Variants in DGKB observed in about 807,000 individuals in gnomAD.
DGKB encodes diacylglycerol kinase beta.
DGKB carries 67 observed loss-of-function variants against 114.3 expected under a neutral mutation model. The observed-to-expected ratio is 0.59, with a 90% confidence interval of 0.48 to 0.72. DGKB has a LOEUF of 0.72. Ranked by LOEUF, DGKB falls within the 30% of genes least tolerant of loss-of-function variation. The pLI is 0.00. For synonymous variants in DGKB, 398 were observed against 323.1 expected (o/e 1.23, Z -2.49); for missense variants, 907 against 975.2 (o/e 0.93, Z 0.93).
intron 13 of DGKB, among the ~76,000 whole-genome samples, chr7:14,669,329 C>T (rs546319775): frequency 2.1e-4 from 32 of 152,118 alleles, no homozygotes; most frequent in Admixed American, 2.6e-4. Flanking sequence ...ATATAAAAAT[C>T]GTATGATATC....
At chr7:14,732,592 C>A (rs1330861811) in intron 5 of DGKB, among the ~76,000 whole-genome samples, 2 of 151,608 alleles carry the variant, frequency 1.3e-5, no homozygotes, top group Non-Finnish European at 2.9e-5. Context: ...TAGTCCTGGA[C>A]AAGACACTAT....
At chr7:14,530,247 T>C (rs1179849381) in intron 20 of DGKB, among the ~76,000 whole-genome samples, 6 of 151,596 alleles carry the variant, frequency 4.0e-5, no homozygotes, top group African/African-American at 9.7e-5. Flanking sequence ...TTATATACAC[T>C]GTTTTACGAA....
chr7:14,590,850 A>C (rs775074840), intron 17 of DGKB, among the ~76,000 whole-genome samples: 1 of 152,152 alleles, frequency 6.6e-6, no homozygotes, highest in Non-Finnish European at 1.5e-5. Context: ...TTCTTTATTA[A>C]AAGTAGTATA....
At chr7:14,628,327 T>TGTGTGTGTGTGTGTGTGTGTGTGTGTGTG (rs1809026782) in intron 14 of DGKB, among the ~76,000 whole-genome samples, 1 of 106,394 alleles carries the variant, frequency 9.4e-6, no homozygotes, top group Admixed American at 8.6e-5. Context: ...GTGTGTGTGG[T>TGTGTGTGTGTGTGTGTGTGTGTGTGTGTG]GTGTATGAGG....
chr7:14,284,506 A>T (rs956407088), intron 23 of DGKB, among the ~76,000 whole-genome samples: 19 of 145,006 alleles, frequency 1.3e-4, no homozygotes, highest in Non-Finnish European at 1.0e-4. Context: ...CCATCCTATT[A>T]CTGGGTATAT....
intron 12 of DGKB, among the ~76,000 whole-genome samples, chr7:14,681,466 A>G (rs1292437506): frequency 6.6e-6 from 1 of 150,458 alleles, no homozygotes; most frequent in African/African-American, 2.5e-5. Context: ...TGAGAGAGAG[A>G]GAAAAAGAGA....
intron 20 of DGKB, among the ~76,000 whole-genome samples, chr7:14,511,819 A>G (rs762301024): frequency 6.6e-6 from 1 of 152,034 alleles, no homozygotes; most frequent in African/African-American, 2.4e-5. Flanking sequence ...TAATTTCAAT[A>G]TTGTGTCTCA....
rs1245053738 is a variant in DGKB, at chr7:14,672,932, T to C, written c.1131A>G (p.Val377=). ...ILPPTTICPV[V]LTLPTSGVSV... is the part of the protein sequence containing the mutation. ...AGAATGATAAGGAAAAACTCACCAG[T>C]ACCACTGGACAGATTGTTGTGGGTG... Residue 377 remains valine (V), a synonymous_variant, in exon 13 of 26, where the codon GTA becomes GTG. Transcript: ENST00000402815. 2 of 1,553,270 alleles carry C rather than the reference T, an allele frequency of 1.3e-6. No homozygotes were observed. The highest frequency in any genetic ancestry group is 1.9e-5 in the Admixed American group (1 of 52,458).
intron 21 of DGKB, among the ~76,000 whole-genome samples, chr7:14,446,746 A>T (rs10950525): frequency 0.092 from 13,979 of 152,208 alleles, 765 homozygotes; most frequent in East Asian, 0.22. Flanking sequence ...CCAGGGACAC[A>T]TAGAGGCTCA....
intron 20 of DGKB, among the ~76,000 whole-genome samples, chr7:14,573,467 CTG>C (rs4027158): frequency 0.28 from 41,248 of 145,240 alleles, 5,660 homozygotes; most frequent in South Asian, 0.39. Context: ...TAATCTATCT[CTG>C]TGTGTGTGTG....
At chr7:14,514,101 T>C (rs557432706) in intron 20 of DGKB, among the ~76,000 whole-genome samples, 20 of 152,220 alleles carry the variant, frequency 1.3e-4, no homozygotes, top group African/African-American at 4.1e-4. Context: ...CTAATTAACT[T>C]GAGAACTGAT....
At chr7:14,689,214 T>A (rs1041993611) in intron 9 of DGKB, among the ~76,000 whole-genome samples, 3 of 137,198 alleles carry the variant, frequency 2.2e-5, no homozygotes, top group African/African-American at 7.8e-5. Context: ...TTTTTTTTTT[T>A]TTTTTTTTTT....
chr7:14,384,410 G>T (rs1819988963), intron 21 of DGKB, among the ~76,000 whole-genome samples: 1 of 152,120 alleles, frequency 6.6e-6, no homozygotes, highest in African/African-American at 2.4e-5. Flanking sequence ...GTCAGTGGCT[G>T]CTTTCACTCT....
chr7:14,431,694 T>C (rs865875245), intron 21 of DGKB, among the ~76,000 whole-genome samples: 2 of 152,176 alleles, frequency 1.3e-5, no homozygotes, highest in Non-Finnish European at 2.9e-5. Flanking sequence ...TTTCTGACAA[T>C]ATTTTAACTA....
At chr7:14,189,903 A>G (rs1219439865) in intron 23 of DGKB, among the ~76,000 whole-genome samples, 1 of 152,226 alleles carries the variant, frequency 6.6e-6, no homozygotes, top group Non-Finnish European at 1.5e-5. Context: ...ACTCAAATAT[A>G]TAGAGCAACC....
intron 1 of DGKB, among the ~76,000 whole-genome samples, chr7:14,864,250 T>G: frequency 6.6e-6 from 1 of 152,232 alleles, no homozygotes; most frequent in East Asian, 1.9e-4. Flanking sequence ...TTCCTAGTTG[T>G]GTTTAAATCA....
At position 14,217,062 on chromosome 7, in the gene DGKB, G is replaced by A. The variant is rs1789102093; in HGVS notation, c.2123-38911C>T. ...TCTCACACACTGAATGAAACTTTAT[G>A]AATTGAGAAAGCCACTTCATTCCCT... On this transcript the variant is annotated intron_variant, in intron 23 of 25. Coordinates refer to ENST00000402815, the MANE Select transcript of DGKB (RefSeq NM_001350709.2). Among the ~76,000 whole-genome samples the A allele has an allele frequency of 2.0e-5, 3 of 152,188 alleles. No homozygotes were observed. In the South Asian group the frequency reaches 6.2e-4, roughly 32 times the overall value.
At chr7:14,706,211 G>C (rs1317507274) in intron 6 of DGKB, among the ~76,000 whole-genome samples, 12 of 144,862 alleles carry the variant, frequency 8.3e-5, no homozygotes, top group South Asian at 4.8e-4. Context: ...GATCAAAAGA[G>C]ACAAAGAAGG....
At chr7:14,855,407 ATAG>A (rs1849993805) in intron 1 of DGKB, among the ~76,000 whole-genome samples, 1 of 152,204 alleles carries the variant, frequency 6.6e-6, no homozygotes. Flanking sequence ...TACATATAAC[ATAG>A]TAGGACATAC....
Sources: allele counts gnomAD v4.1 joint callset (sites outside exome capture counted in the v4.1 genomes callset), GRCh38; gene constraint gnomAD v4.1.1; transcripts MANE v1.5; gene names NCBI Gene and HGNC (gene_info 2026-07-23, HGNC 2026-07-21).